CEP70: variants seen among roughly 807,000 people sequenced by gnomAD.
CEP70 encodes centrosomal protein of 70 kDa.
In CEP70, 70 loss-of-function variants were observed where a neutral mutation model predicts 90.9. The observed-to-expected ratio is 0.77, with a 90% CI of 0.64 to 0.94. The LOEUF is 0.94. Among genes scored for constraint, CEP70 ranks in the 40% least tolerant of loss-of-function variants. The probability of loss-of-function intolerance (pLI) is 0.00; values close to 1 mark genes in which losing one functional copy is unlikely to be tolerated. For synonymous variants in CEP70, 220 were observed against 228.3 expected, an observed-to-expected ratio of 0.96 and a Z score of 0.33; for missense variants, 648 against 669.0, an observed-to-expected ratio of 0.97 and a Z score of 0.35.
chr3:138,551,762 A>G, intron 6 of CEP70, among the ~76,000 whole-genome samples: 1 of 150,030 alleles, frequency 6.7e-6, no homozygotes, highest in Non-Finnish European at 1.5e-5. Context: ...AAAAAAATAA[A>G]ATAAAACAAA....
chr3:138,496,602 C>A, intron 17 of CEP70: 2 of 985,376 alleles, frequency 2.0e-6, no homozygotes, highest in Non-Finnish European at 2.4e-6. Context: ...ACACCATTTA[C>A]ATGAGAAAAA....
intron 6 of CEP70, among the ~76,000 whole-genome samples, chr3:138,551,681 G>A (rs914210450): frequency 6.6e-6 from 1 of 151,278 alleles, no homozygotes; most frequent in Non-Finnish European, 1.5e-5. Context: ...AGGAGGCAGA[G>A]GTTGCAGTGA....
chr3:138,561,087 C>A (rs2040375420), intron 6 of CEP70, among the ~76,000 whole-genome samples: 1 of 152,126 alleles, frequency 6.6e-6, no homozygotes, highest in Non-Finnish European at 1.5e-5. Context: ...CTCCGTGTCT[C>A]CTGATTGGGA....
At chr3:138,552,456 T>C (rs1326501777) in intron 6 of CEP70, among the ~76,000 whole-genome samples, 2 of 151,758 alleles carry the variant, frequency 1.3e-5, no homozygotes, top group African/African-American at 4.8e-5. Context: ...TTTAAGAAAA[T>C]TGAAATTATA....
chr3:138,562,050 T>C (rs1576840568), intron 6 of CEP70, among the ~76,000 whole-genome samples: 1 of 147,448 alleles, frequency 6.8e-6, no homozygotes. Context: ...AAGAACTTCG[T>C]GAAGCATACA....
intron 10 of CEP70, among the ~76,000 whole-genome samples, chr3:138,527,818 T>C (rs982889045): frequency 2.6e-5 from 4 of 151,910 alleles, no homozygotes; most frequent in Admixed American, 2.0e-4. Context: ...CTTCCCAAAG[T>C]GCTGGTATTA....
chr3:138,508,783 G>T (rs1179625781), intron 11 of CEP70, among the ~76,000 whole-genome samples: 1 of 151,696 alleles, frequency 6.6e-6, no homozygotes, highest in Non-Finnish European at 1.5e-5. Context: ...ACCCAGGCTG[G>T]AGTGCAGTGG....
chr3:138,550,081 C>T (rs935319014), intron 6 of CEP70, among the ~76,000 whole-genome samples: 1 of 152,176 alleles, frequency 6.6e-6, no homozygotes, highest in Non-Finnish European at 1.5e-5. Flanking sequence ...GAGCCCCAGA[C>T]CTTCCCACTG....
intron 2 of CEP70, among the ~76,000 whole-genome samples, chr3:138,586,338 G>C (rs1230936700): frequency 2.6e-5 from 4 of 151,900 alleles, no homozygotes; most frequent in Admixed American, 2.6e-4. Context: ...TTATATTTTT[G>C]GTAGGAAATC....
intron 10 of CEP70, 92 bp downstream of exon 10, chr3:138,529,107 G>A (rs533279153): frequency 3.7e-5 from 26 of 702,768 alleles, no homozygotes; most frequent in Admixed American, 3.2e-4. Flanking sequence ...TCAAGGCTGC[G>A]GTGAGACGTG....
At chr3:138,497,273 A>AT (rs1287976514) in intron 17 of CEP70, 1 of 1,269,496 alleles carries the variant, frequency 7.9e-7, no homozygotes, top group East Asian at 5.7e-5. Flanking sequence ...TCATTGACTC[A>AT]TTCCCTTATT....
intron 6 of CEP70, among the ~76,000 whole-genome samples, chr3:138,560,379 T>G (rs1325159548): frequency 6.6e-6 from 1 of 152,154 alleles, no homozygotes; most frequent in African/African-American, 2.4e-5. Flanking sequence ...GACCGGAAGA[T>G]TCCCTCCAGT....
intron 6 of CEP70, among the ~76,000 whole-genome samples, chr3:138,569,580 G>C (rs1169213888): frequency 6.6e-6 from 1 of 152,250 alleles, no homozygotes; most frequent in East Asian, 1.9e-4. Flanking sequence ...AAAAGTTGTA[G>C]ATGCCAGCCA....
Position 138,560,338 on chromosome 3 carries a change from T to G in CEP70, c.465+9980A>C, listed in dbSNP as rs146710597. Among the ~76,000 whole-genome samples, 859 of 152,346 alleles carry G rather than the reference T, an allele frequency of 5.6e-3. 7 individuals are homozygous for G. The highest frequency in any genetic ancestry group is 0.02 in the African/African-American group (827 of 41,580). ...GAACAGTGCACTCTAGCCCAGATAC[T>G]GCGCTTTTCCCATGGTCTTCACAAC... On this transcript the variant is annotated intron_variant, in intron 6 of 17. Coordinates refer to ENST00000264982, the MANE Select transcript of CEP70 (RefSeq NM_024491.4).
chr3:138,495,194 C>T, intron 17 of CEP70, 118 bp from the exon 18 acceptor site: 1 of 594,144 alleles, frequency 1.7e-6, no homozygotes, highest in South Asian at 2.1e-5. Flanking sequence ...AATACTGGTG[C>T]TTTTGTGCAC....
At chr3:138,537,149 C>T in intron 7 of CEP70, 29 bp downstream of exon 7, 1 of 1,445,914 alleles carries the variant, frequency 6.9e-7, no homozygotes, top group African/African-American at 1.5e-5. Context: ...ATGAATCTAG[C>T]TACATATCAA....
rs1011178170 is a variant in CEP70 at position 138,575,757 on chromosome 3, C to T, written c.-5-2825G>A. Among the ~76,000 whole-genome samples, 8 of 151,986 alleles carry T rather than the reference C, an allele frequency of 5.3e-5. 1 individual carries two copies. Among genetic ancestry groups the T allele is most frequent in the Admixed American group, 5.2e-4 (8 of 15,246 alleles). On this transcript the variant is annotated intron_variant, in intron 2 of 17. Coordinates refer to ENST00000264982, the MANE Select transcript of CEP70 (RefSeq NM_024491.4). ...ATCAGACTAACAGCAGATCTCTTGG[C>T]CGAAACCCTACAAGCCAGAAGAGAG...
chr3:138,509,818 C>T (rs2035351966), intron 11 of CEP70, among the ~76,000 whole-genome samples: 1 of 152,134 alleles, frequency 6.6e-6, no homozygotes, highest in South Asian at 2.1e-4. Context: ...TATACATACA[C>T]TACCTACCAG....
intron 6 of CEP70, among the ~76,000 whole-genome samples, chr3:138,543,138 T>A (rs565126501): frequency 1.4e-4 from 21 of 152,290 alleles, no homozygotes; most frequent in Admixed American, 5.2e-4. Flanking sequence ...CAGGCTGTCC[T>A]TGGCTTGAAG....
Sources: gnomAD v4.1 joint callset for allele counts (sites outside exome capture counted in the v4.1 genomes callset) on GRCh38, gnomAD v4.1.1 for gene constraint, MANE v1.5 for transcripts, NCBI Gene and HGNC (gene_info 2026-07-23, HGNC 2026-07-21) for gene names.